The following TMEM51 variants were observed in gnomAD, a reference collection of about 807,000 sequenced individuals.
TMEM51 encodes chromosome 1 open reading frame 72.
TMEM51 carries 8 observed loss-of-function variants against 13.6 expected under a neutral mutation model. That is an observed-to-expected ratio of 0.59 (90% confidence interval 0.35 to 1.07). TMEM51 has a LOEUF of 1.07. TMEM51 is among the 50% of genes least tolerant of loss of function. The pLI is 0.02. For synonymous variants in TMEM51, 147 were observed against 144.4 expected (o/e 1.02, Z -0.13); for missense variants, 279 against 330.7 (o/e 0.84, Z 1.21).
rs150257360 is a variant in TMEM51 at position 15,214,676 on chromosome 1, C to T, written c.-193-219C>T. On this transcript the variant is annotated intron_variant, in intron 2 of 3. Transcript: ENST00000376008. ...AGGGAAAGGTCTGGCTTTTCCTTTT[C>T]AGGGAGTAGCGGGCTGGGCAGACCG... Among the ~76,000 whole-genome samples the T allele has an allele frequency of 6.9e-3, 1,053 of 152,362 alleles. 15 individuals carry two copies. The highest frequency in any genetic ancestry group is 0.024 in the African/African-American group (1,008 of 41,586).
intron 1 of TMEM51, among the ~76,000 whole-genome samples, chr1:15,206,967 G>A (rs1362106087): frequency 6.6e-6 from 1 of 152,186 alleles, no homozygotes; most frequent in Non-Finnish European, 1.5e-5. Flanking sequence ...CTCCCTCCCA[G>A]GCAGGACAGG....
chr1:15,192,166 A>T (rs1643935853), intron 1 of TMEM51: 1 of 408,434 alleles, frequency 2.4e-6, no homozygotes, highest in Non-Finnish European at 4.9e-6. Context: ...TGCCCTCTTT[A>T]GTCTGCCGGC....
chr1:15,218,376 G>A (rs974130255), intron 3 of TMEM51, among the ~76,000 whole-genome samples: 10 of 152,176 alleles, frequency 6.6e-5, no homozygotes, highest in African/African-American at 1.7e-4. Context: ...AATAGCTCAC[G>A]CAGCATGTCG....
intron 1 of TMEM51, among the ~76,000 whole-genome samples, chr1:15,173,380 C>T (rs2100208256): frequency 1.3e-5 from 2 of 152,076 alleles, no homozygotes; most frequent in Middle Eastern, 6.8e-3. Context: ...CTACCACGCC[C>T]AGCTAATTTT....
chr1:15,182,363 C>T (rs993359406), intron 1 of TMEM51, among the ~76,000 whole-genome samples: 2 of 152,204 alleles, frequency 1.3e-5, no homozygotes, highest in East Asian at 1.9e-4. Flanking sequence ...ATAGCCATGG[C>T]GCCTGCCCAA....
chr1:15,163,829 G>T (rs371017230), intron 1 of TMEM51, among the ~76,000 whole-genome samples: 110 of 131,848 alleles, frequency 8.3e-4, no homozygotes, highest in Middle Eastern at 4.1e-3. Context: ...GCTTTTTTTG[G>T]GGGGGGGGAG....
chr1:15,203,315 G>A (rs546106241), intron 1 of TMEM51, among the ~76,000 whole-genome samples: 5 of 152,062 alleles, frequency 3.3e-5, no homozygotes, highest in South Asian at 2.1e-4. Context: ...GTGCAGTGGC[G>A]TGATCTCGGC....
chr1:15,165,067 C>T (rs573254069), intron 1 of TMEM51, among the ~76,000 whole-genome samples: 1 of 152,266 alleles, frequency 6.6e-6, no homozygotes, highest in South Asian at 2.1e-4. Flanking sequence ...TCCCAAAGTG[C>T]TGGGATTACA....
At chr1:15,214,853 C>A (rs111286058) in intron 2 of TMEM51, 42 bp from the exon 3 acceptor site, 425 of 537,508 alleles carry the variant, frequency 7.9e-4, no homozygotes, top group African/African-American at 7.2e-3. Context: ...CGTCTGGAAT[C>A]GGAACTGATC....
intron 1 of TMEM51, among the ~76,000 whole-genome samples, chr1:15,167,779 A>C (rs1219081263): frequency 6.6e-6 from 1 of 152,184 alleles, no homozygotes; most frequent in Admixed American, 6.5e-5. Flanking sequence ...TTGCCAGCTG[A>C]TGTGGGTTTC....
At chr1:15,209,020 A>G (rs546001749) in intron 1 of TMEM51, among the ~76,000 whole-genome samples, 10 of 152,216 alleles carry the variant, frequency 6.6e-5, no homozygotes, top group Admixed American at 5.9e-4. Context: ...CCTCCCCAGT[A>G]CTATTCTTCA....
chr1:15,187,695 C>G (rs566976619), intron 1 of TMEM51, among the ~76,000 whole-genome samples: 3 of 152,230 alleles, frequency 2.0e-5, no homozygotes, highest in African/African-American at 7.2e-5. Context: ...TTATGACCCT[C>G]TCTATGGGGT....
At chr1:15,167,429 C>T (rs1643063203) in intron 1 of TMEM51, among the ~76,000 whole-genome samples, 1 of 151,502 alleles carries the variant, frequency 6.6e-6, no homozygotes, top group Admixed American at 6.6e-5. Flanking sequence ...TTTACTTATC[C>T]CTTCACCTGT....
At chr1:15,160,306 C>T (rs1279180998) in intron 1 of TMEM51, among the ~76,000 whole-genome samples, 2 of 152,162 alleles carry the variant, frequency 1.3e-5, no homozygotes. Flanking sequence ...CAGAGTGTCA[C>T]TCTGTTGCCC....
At chr1:15,210,881 T>G (rs1163325282) in intron 2 of TMEM51, among the ~76,000 whole-genome samples, 1 of 152,194 alleles carries the variant, frequency 6.6e-6, no homozygotes, top group African/African-American at 2.4e-5. Flanking sequence ...GACAAACAGC[T>G]GACCAGATGC....
intron 1 of TMEM51, among the ~76,000 whole-genome samples, chr1:15,170,976 C>T (rs911448084): frequency 2.0e-5 from 3 of 152,102 alleles, no homozygotes; most frequent in Non-Finnish European, 4.4e-5. Flanking sequence ...GATCCGCCCG[C>T]CTCGGCCTCC....
chr1:15,154,930 G>T (rs1323486214), intron 1 of TMEM51, among the ~76,000 whole-genome samples: 2 of 152,166 alleles, frequency 1.3e-5, no homozygotes, highest in Non-Finnish European at 2.9e-5. Flanking sequence ...ACCCGAACCG[G>T]GAGGTAAGTC....
intron 1 of TMEM51, among the ~76,000 whole-genome samples, chr1:15,190,689 G>A (rs1274074091): frequency 6.6e-6 from 1 of 152,188 alleles, no homozygotes; most frequent in Non-Finnish European, 1.5e-5. Context: ...TTAAGTTAGG[G>A]CTCTTGAGAC....
At chr1:15,183,918 G>A (rs905911892) in intron 1 of TMEM51, among the ~76,000 whole-genome samples, 2 of 152,190 alleles carry the variant, frequency 1.3e-5, no homozygotes, top group Admixed American at 6.5e-5. Context: ...GGCCGCAGCC[G>A]CTCATTTCAA....
Sources: allele counts gnomAD v4.1 joint callset (sites outside exome capture counted in the v4.1 genomes callset), GRCh38; gene constraint gnomAD v4.1.1; transcripts MANE v1.5; gene names NCBI Gene and HGNC (gene_info 2026-07-23, HGNC 2026-07-21).